Variants in TRIP10 observed in about 807,000 individuals in gnomAD.
TRIP10 encodes the protein cdc42-interacting protein 4.
In TRIP10, 54 loss-of-function variants were observed where a neutral mutation model predicts 80.9. The ratio of observed to expected loss-of-function variants is 0.67; its 90% CI spans 0.54 to 0.84. The LOEUF (loss-of-function observed/expected upper bound fraction) is 0.84, where lower values mean the gene tolerates loss of function less well. TRIP10 is among the 40% of genes least tolerant of loss of function. The pLI, the probability that TRIP10 is intolerant of heterozygous loss-of-function variation, is 0.00. For missense variants in TRIP10, 773 were observed against 815.3 expected, an observed-to-expected ratio of 0.95 and a Z score of 0.63; for synonymous variants, 321 against 307.2, an observed-to-expected ratio of 1.04 and a Z score of -0.47.
In TRIP10 at chr19:6,745,892, G is replaced by C; in HGVS notation, c.985-137G>C. On this transcript the variant is annotated intron_variant, in intron 9 of 14. Transcript: ENST00000313244. This position sits in a 1 kb window ranked among gnomAD's most constrained non-coding sequence, Gnocchi z 7.2. ...ACCGTTTTTTTTCTTTCTCCATTTT[G>C]TTTTTCCTTTTTCCTTTTTTTGCGT... is the stretch of plus-strand genomic sequence containing the variant. The C allele has an allele frequency of 7.9e-7, 1 of 1,260,656 alleles. No individual in the cohort carries two copies. Among genetic ancestry groups the C allele is most frequent in the Non-Finnish European group, 1.0e-6 (1 of 1,001,106 alleles). 78.1% of individuals were successfully genotyped at this position (1,260,656 alleles called of 1,614,324 possible).
chr19:6,749,996 G>A lies in TRIP10; in HGVS notation c.1325G>A (p.Ser442Asn). ...ACACCTCAGATGGGGGACCCCGCCA[G>A]CTTGGAGCCCCAGATCGCTGAAACC... ...EKTPQMGDPASLEPQIAETLS... is the reference protein window; with the variant it reads ...EKTPQMGDPANLEPQIAETLS... The change falls in exon 12 of 15, where the codon AGC becomes AAC. Residue 442 changes from serine to asparagine, a missense_variant. Coordinates refer to ENST00000313244, the MANE Select transcript of TRIP10 (RefSeq NM_001288962.2). The A allele has an allele frequency of 6.2e-7, 1 of 1,614,154 alleles. No homozygotes were observed. The highest frequency in any genetic ancestry group is 8.5e-7 in the Non-Finnish European group (1 of 1,180,024).
Position 6,743,577 on chromosome 19 carries a change from C to T in TRIP10, c.492C>T (p.Ala164=), listed in dbSNP as rs1338546009. 1.2e-6 allele frequency: 2 copies of T among 1,604,972 alleles called. No homozygotes were observed. The highest frequency in any genetic ancestry group is 2.2e-5 in the East Asian group (1 of 44,628). ...TAERLDQDIN[A]TKADVEKAKQ... ...AACGGCTAGACCAGGATATCAACGC[C>T]ACCAAGGCTGATGTGGAGAAGGTGT... The change falls in exon 6 of 15, where the codon GCC becomes GCT. Residue 164 remains alanine (A), a synonymous_variant. Coordinates refer to ENST00000313244, the MANE Select transcript of TRIP10 (RefSeq NM_001288962.2).
chr19:6,750,354 C>G lies in TRIP10; in HGVS notation c.1458C>G (p.His486Gln). The G allele has an allele frequency of 1.2e-6, 2 of 1,614,046 alleles. No homozygotes were observed. The highest frequency in any genetic ancestry group is 8.5e-7 in the Non-Finnish European group (1 of 1,179,982). ...ACCGGGGAGACAGCCTGAGCCGGCACGCCCGGCCTCCCGACCCCCCCGCTA... is the reference window on the plus strand; with the variant it reads ...ACCGGGGAGACAGCCTGAGCCGGCAGGCCCGGCCTCCCGACCCCCCCGCTA... The part of the protein sequence containing the change: ...LSNRGDSLSR[H>Q]ARPPDPPASA... The change falls in exon 13 of 15, where the codon CAC becomes CAG. Residue 486 changes from histidine to glutamine, a missense_variant. By Grantham distance (24) the His-to-Gln change is conservative. Coordinates refer to ENST00000313244, the MANE Select transcript of TRIP10 (RefSeq NM_001288962.2).
At position 6,743,503 on chromosome 19, in the gene TRIP10, A is replaced by G. The variant is rs1420136270; in HGVS notation, c.418A>G (p.Lys140Glu). 1 of 1,613,668 alleles carries G rather than the reference A, an allele frequency of 6.2e-7. No individual in the cohort carries two copies. The highest frequency in any genetic ancestry group is 1.3e-5 in the African/African-American group (1 of 74,844). The change falls in exon 6 of 15, where the codon AAA becomes GAA. Residue 140 changes from lysine to glutamate, a missense_variant. Lys to Glu is a moderately conservative substitution (Grantham distance 56). Transcript: ENST00000313244. ...GFKQLENSKR[K>E]FERDCREAEK... ...TCTGTCCCCTACACAGAGTAAGCGTAAATTTGAGCGGGACTGCCGGGAGGC... is the reference window on the plus strand; with the variant it reads ...TCTGTCCCCTACACAGAGTAAGCGTGAATTTGAGCGGGACTGCCGGGAGGC...
intron 5 of TRIP10, 90 bp downstream of exon 5, chr19:6,743,346 A>C (rs1348366953): frequency 6.4e-7 from 1 of 1,560,006 alleles, no homozygotes; most frequent in East Asian, 2.3e-5. Flanking sequence ...TCTTTGTCAG[A>C]CCTGGACCTT....
rs574820524 is a variant in TRIP10 at position 6,746,479 on chromosome 19, T to C, written c.1180T>C (p.Leu394=). The C allele has an allele frequency of 3.7e-6, 6 of 1,613,984 alleles. No homozygotes were observed. In the African/African-American group the frequency reaches 4.0e-5, roughly 11 times the overall value. ...AGTGGTGACCGAGGATTTTAGCCAC[T>C]TGCCCCCAGAGCAGCAGCGAAAACG... ...GTVVTEDFSH[L]PPEQQRKRLQ... The change falls in exon 11 of 15, where the codon TTG becomes CTG. Residue 394 remains leucine (L), a synonymous_variant. Coordinates refer to ENST00000313244, the MANE Select transcript of TRIP10 (RefSeq NM_001288962.2). This position sits in a 1 kb window ranked among gnomAD's most constrained non-coding sequence, Gnocchi z 6.2.
intron 11 of TRIP10, chr19:6,748,909 C>T (rs1189730241): frequency 6.6e-6 from 1 of 152,108 alleles, no homozygotes; most frequent in Non-Finnish European, 1.5e-5. Context: ...GGATGAGAAA[C>T]TGATGATAAT....
chr19:6,743,901 C>A lies in TRIP10; in HGVS notation c.642+65C>A. The A allele has an allele frequency of 1.9e-6, 3 of 1,585,812 alleles. No homozygotes were observed. In the South Asian group the frequency reaches 3.4e-5, roughly 18 times the overall value. ...CTCCAAATGTTAGCCAACTCCTACG[C>A]ATTCATCAAAACCCCAGCTGCAATG... On this transcript the variant is annotated intron_variant, in intron 7 of 14. Transcript: ENST00000313244.
At chr19:6,750,738 G>T in intron 14 of TRIP10, 105 bp downstream of exon 14, 1 of 1,501,808 alleles carries the variant, frequency 6.7e-7, no homozygotes, top group Non-Finnish European at 9.0e-7. Flanking sequence ...GCTCAGGCTT[G>T]TAATCCCAGC....
chr19:6,743,671 G>C (rs200362066), intron 6 of TRIP10, 37 bp from the exon 7 acceptor site: 1 of 1,612,466 alleles, frequency 6.2e-7, no homozygotes, highest in South Asian at 1.1e-5. Flanking sequence ...GGACGTGATC[G>C]GAACCTGGCA....
rs1969130302 is a variant in TRIP10, at chr19:6,746,291, C to T, written c.1152+95C>T. On this transcript the variant is annotated intron_variant, in intron 10 of 14. Transcript: ENST00000313244. This position sits in a 1 kb window ranked among gnomAD's most constrained non-coding sequence, Gnocchi z 6.2. Reference sequence around the variant, plus strand: ...GGCTCGCTTCCTGCCGCTGGCTGGGCCCCTCTTCCCTGGTTGCCCAACCCA... The same window carrying T: ...GGCTCGCTTCCTGCCGCTGGCTGGGTCCCTCTTCCCTGGTTGCCCAACCCA... 1.1e-5 allele frequency: 16 copies of T among 1,484,486 alleles called. No individual in the cohort carries two copies. In the South Asian group the frequency reaches 1.2e-4, roughly 11 times the overall value. 92.0% of individuals were successfully genotyped at this position (1,484,486 alleles called of 1,614,324 possible). A position where few individuals can be genotyped will look rare whatever the true frequency, so the allele number is the denominator to read the frequency against.
chr19:6,740,519 T>C (rs530684903), intron 1 of TRIP10, among the ~76,000 whole-genome samples: 17 of 152,250 alleles, frequency 1.1e-4, no homozygotes, highest in Admixed American at 9.1e-4. Context: ...TTTGGATGTG[T>C]AGTGGGGTCA....
chr19:6,746,836 G>A lies in TRIP10; in HGVS notation c.1262+275G>A, dbSNP rs1490754358. Among the ~76,000 whole-genome samples the A allele has an allele frequency of 6.6e-6, 1 of 152,042 alleles. No homozygotes were observed. The highest frequency in any genetic ancestry group is 1.5e-5 in the Non-Finnish European group (1 of 68,002). ...TTTTTATATTTTTAGTAGAGGCGGG[G>A]TTTCCCCATATTAGCCAGGCTGTCT... On this transcript the variant is annotated intron_variant, in intron 11 of 14. Coordinates refer to ENST00000313244, the MANE Select transcript of TRIP10 (RefSeq NM_001288962.2). This position sits in a 1 kb window ranked among gnomAD's most constrained non-coding sequence, Gnocchi z 6.2.
At position 6,750,145 on chromosome 19, in the gene TRIP10, CAG is replaced by C. The variant is rs919731625; in HGVS notation, c.1395+80_1395+81del. 3.2e-6 allele frequency: 5 copies of C among 1,543,966 alleles called. No homozygotes were observed. The African/African-American group carries it at 6.9e-5, about 21-fold the overall frequency. ...GCTGGGTGGGGTGGGGGGTCGGGGA[CAG>C]GGGAGGTGTTCGGAGCGGGGGGTCT... On this transcript the variant is annotated intron_variant, in intron 12 of 14. Transcript: ENST00000313244.
At position 6,739,740 on chromosome 19, in the gene TRIP10, C is replaced by T. The variant is rs1599555140; in HGVS notation, c.-22C>T. ...CGGGGACCGGGTGCGGTGGTGGCTG[C>T]GGCGGCGGCGGCGGGAGCAGCATGG... On this transcript the variant is annotated 5_prime_UTR_variant, in exon 1 of 15. Transcript: ENST00000313244. 2 of 1,191,842 alleles carry T rather than the reference C, an allele frequency of 1.7e-6. No individual in the cohort carries two copies. Among genetic ancestry groups the T allele is most frequent in the African/African-American group, 1.6e-5 (1 of 62,058 alleles). The allele number at this position is 1,191,842 out of a possible 1,614,324, so 73.8% of individuals were successfully genotyped here. A position where few individuals can be genotyped will look rare whatever the true frequency, so the allele number is the denominator to read the frequency against.
chr19:6,745,556 TTTTA>T lies in TRIP10; in HGVS notation c.985-469_985-466del, dbSNP rs908476607. Reference sequence around the variant, plus strand: ...CCTTCCACTCCCTCTCGGCTTGTGGTTTTATTTTTGTTTATTTATTTTTGTCCTC... The same window carrying T: ...CCTTCCACTCCCTCTCGGCTTGTGGTTTTTTGTTTATTTATTTTTGTCCTC... On this transcript the variant is annotated intron_variant, in intron 9 of 14. Coordinates refer to ENST00000313244, the MANE Select transcript of TRIP10 (RefSeq NM_001288962.2). The surrounding 1 kb of genome is among the most constrained non-coding windows in gnomAD (Gnocchi z 7.2). The T allele has an allele frequency of 5.1e-6, 5 of 984,828 alleles. No homozygotes were observed. In the African/African-American group the frequency reaches 7.0e-5, roughly 14 times the overall value. The allele number at this position is 984,828 out of a possible 1,614,324, so 61.0% of individuals were successfully genotyped here. A position where few individuals can be genotyped will look rare whatever the true frequency, so the allele number is the denominator to read the frequency against.
At chr19:6,747,651 G>A (rs1969176277) in intron 11 of TRIP10, among the ~76,000 whole-genome samples, 1 of 151,962 alleles carries the variant, frequency 6.6e-6, no homozygotes, top group Admixed American at 6.6e-5. Context: ...AAACTAGCTG[G>A]GCATTGTGGC....
Position 6,745,040 on chromosome 19 carries a change from G to T in TRIP10, c.984+46G>T. 1 of 1,579,308 alleles carries T rather than the reference G, an allele frequency of 6.3e-7. No individual in the cohort carries two copies. On this transcript the variant is annotated intron_variant, in intron 9 of 14. Transcript: ENST00000313244. This position sits in a 1 kb window ranked among gnomAD's most constrained non-coding sequence, Gnocchi z 7.2. ...GATGGTGGGGGAGAAGGACAGTGAA[G>T]TGGGGACAGTGGGGCCCCTATTGAG... is the stretch of plus-strand genomic sequence containing the variant.
rs1969248147 is a variant in TRIP10, at chr19:6,750,311, A to T, written c.1415A>T (p.Glu472Val). The T allele has an allele frequency of 6.2e-7, 1 of 1,613,940 alleles. No individual in the cohort carries two copies. The highest frequency in any genetic ancestry group is 8.5e-7 in the Non-Finnish European group (1 of 1,180,008). Residue 472 changes from glutamate to valine, a missense_variant, in exon 13 of 15, where the codon GAA becomes GTA. Transcript: ENST00000313244. Reference sequence around the variant, plus strand: ...TCCCAGGCGTGGCTGGCAGAAGCTGAAAGTCGAGTCCTTAGCAACCGGGGA... The same window carrying T: ...TCCCAGGCGTGGCTGGCAGAAGCTGTAAGTCGAGTCCTTAGCAACCGGGGA... Reference protein sequence around the residue: ...QKYEAWLAEAESRVLSNRGDS... With the variant: ...QKYEAWLAEAVSRVLSNRGDS...
Sources: allele counts gnomAD v4.1 joint callset (sites outside exome capture counted in the v4.1 genomes callset), GRCh38; gene constraint gnomAD v4.1.1; non-coding constraint Gnocchi (gnomAD v3.1); transcripts MANE v1.5; gene names NCBI Gene and HGNC (gene_info 2026-07-23, HGNC 2026-07-21).